The following MROH6 variants were observed in gnomAD, a reference collection of about 807,000 sequenced individuals.
MROH6 encodes maestro heat-like repeat-containing protein family member 6.
MROH6 carries 62 observed loss-of-function variants against 67.7 expected under a neutral mutation model. The observed-to-expected ratio is 0.92, with a 90% CI of 0.75 to 1.13. MROH6 has a LOEUF of 1.13. Ranked by LOEUF, MROH6 falls within the 50% of genes most tolerant of loss-of-function variation. The pLI is 0.00. For synonymous variants in MROH6, 566 were observed against 470.8 expected (o/e 1.20, Z -2.62); for missense variants, 1,175 against 1,029.1 (o/e 1.14, Z -1.94).
In MROH6 at chr8:143,568,554, C is replaced by A; in HGVS notation, c.1642G>T (p.Glu548Ter). 2 of 1,536,090 alleles carry A rather than the reference C, an allele frequency of 1.3e-6. No individual in the cohort carries two copies. Among genetic ancestry groups the A allele is most frequent in the East Asian group, 2.4e-5 (1 of 42,256 alleles). Residue 548 changes from glutamate to a stop codon, truncating the protein, a stop_gained and splice_region_variant, in exon 10 of 14, where the codon GAG becomes TAG. Coordinates refer to ENST00000398882, the MANE Select transcript of MROH6 (RefSeq NM_001100878.2). LOFTEE classifies it high-confidence loss of function. ...GGATGGTGTCGGGGGCTGCTGACCT[C>A]AGCAGCGTCCCTGCTGGGGTCATGC... The part of the protein sequence containing the change: ...RLHDPSRDAA[E>*]SSEWTLARCD...
chr8:143,569,018 G>A (rs1217020119), intron 9 of MROH6: 5 of 355,566 alleles, frequency 1.4e-5, no homozygotes, highest in African/African-American at 6.5e-5. Context: ...GGGCGGGGGC[G>A]GTCAGGAGGG....
chr8:143,570,826 G>GGCCCC, intron 4 of MROH6, 51 bp downstream of exon 4: 3 of 1,171,226 alleles, frequency 2.6e-6, no homozygotes, highest in Non-Finnish European at 2.4e-6. Flanking sequence ...CCCGCTCCTC[G>GGCCCC]CCACCCCCCA....
At chr8:143,568,890 A>G (rs1823804426) in intron 9 of MROH6, 171 bp from the exon 10 acceptor site, 1 of 548,130 alleles carries the variant, frequency 1.8e-6, no homozygotes. Flanking sequence ...GGAAGCCTGG[A>G]GAGCCCCTGC....
At chr8:143,569,645 A>G (rs1426699958) in intron 8 of MROH6, 31 bp from the exon 9 acceptor site, 1 of 1,594,534 alleles carries the variant, frequency 6.3e-7, no homozygotes, top group African/African-American at 1.3e-5. Context: ...CCTCTTGCAG[A>G]CCTCGCCGCG....
intron 4 of MROH6, 32 bp from the exon 5 acceptor site, chr8:143,570,689 G>A (rs1264395061): frequency 1.9e-6 from 3 of 1,570,254 alleles, no homozygotes; most frequent in Non-Finnish European, 8.6e-7. Flanking sequence ...CAGGCCTGGG[G>A]CACGCCTGGA....
chr8:143,568,876 G>A, intron 9 of MROH6, 157 bp from the exon 10 acceptor site: 2 of 580,450 alleles, frequency 3.4e-6, no homozygotes, highest in East Asian at 3.3e-5. Context: ...GCTGGACCTG[G>A]TTGGGAAGCC....
At chr8:143,571,552 G>C (rs913785018) in intron 3 of MROH6, 115 bp downstream of exon 3, 2 of 1,381,190 alleles carry the variant, frequency 1.4e-6, no homozygotes, top group African/African-American at 2.9e-5. Flanking sequence ...CGCGGGGCTG[G>C]AATAAGGAGG....
rs1823668813 is a variant in MROH6, at chr8:143,567,327, G to A, written c.2072C>T (p.Ala691Val). 2 of 1,218,374 alleles carry A rather than the reference G, an allele frequency of 1.6e-6. No homozygotes were observed. The highest frequency in any genetic ancestry group is 3.1e-5 in the African/African-American group (2 of 63,702). 75.5% of individuals were successfully genotyped at this position (1,218,374 alleles called of 1,614,324 possible). A position where few individuals can be genotyped will look rare whatever the true frequency, so the allele number is the denominator to read the frequency against. The change falls in exon 14 of 14, where the codon GCC becomes GTC. Residue 691 changes from alanine to valine, a missense_variant. By Grantham distance (64) the Ala-to-Val change is moderately conservative. Coordinates refer to ENST00000398882, the MANE Select transcript of MROH6 (RefSeq NM_001100878.2). ...PRLLRIAPRP[A>V]RPPPVFADSP... ...GTCGGCGAAGACTGGTGGGGGCCGG[G>A]CGGGGCGCGGGGCGATGCGGAGAAG... is the stretch of plus-strand genomic sequence containing the variant.
Position 143,569,984 on chromosome 8 carries a change from C to T in MROH6, c.1125G>A (p.Pro375=), listed in dbSNP as rs199537603. ...AGAAGGCCATAGCCGTGAGACGCTGCGGGTCGTCCGCGCTGCGAAGCCGAG... is the reference window on the plus strand; with the variant it reads ...AGAAGGCCATAGCCGTGAGACGCTGTGGGTCGTCCGCGCTGCGAAGCCGAG... ...LLPRLRSADD[P]QRLTAMAFFT... Residue 375 remains proline (P), a synonymous_variant, in exon 7 of 14, where the codon CCG becomes CCA. Coordinates refer to ENST00000398882, the MANE Select transcript of MROH6 (RefSeq NM_001100878.2). 57 of 1,613,090 alleles carry T rather than the reference C, an allele frequency of 3.5e-5. No homozygotes were observed. Among genetic ancestry groups the T allele is most frequent in the Admixed American group, 5.0e-5 (3 of 60,010 alleles).
chr8:143,570,859 A>G lies in MROH6; in HGVS notation c.720+18T>C. ...CCACCCCCGCCCCCACCCCCTGGTA[A>G]TGGCTGGAGCCACCTACCGCCAGTG... On this transcript the variant is annotated intron_variant, in intron 4 of 13. Transcript: ENST00000398882. 1 of 1,277,550 alleles carries G rather than the reference A, an allele frequency of 7.8e-7. No individual in the cohort carries two copies. The highest frequency in any genetic ancestry group is 1.1e-6 in the Non-Finnish European group (1 of 929,974). 79.1% of individuals were successfully genotyped at this position (1,277,550 alleles called of 1,614,324 possible).
intron 10 of MROH6, 109 bp downstream of exon 10, chr8:143,568,443 G>C (rs1321504975): frequency 1.4e-6 from 2 of 1,443,944 alleles, no homozygotes; most frequent in Non-Finnish European, 1.8e-6. Flanking sequence ...CTGCCACTGA[G>C]GTCCTTGGGA....
rs772994828 is a variant in MROH6, at chr8:143,567,777, C to G, written c.1867+9G>C. 2 of 1,562,412 alleles carry G rather than the reference C, an allele frequency of 1.3e-6. No individual in the cohort carries two copies. Among genetic ancestry groups the G allele is most frequent in the Admixed American group, 3.7e-5 (2 of 53,544 alleles). ...GTGCCAGGGGCAGTGTGACCCCGGGCGGCCTCACCTATAAGCACGGCGGCT... is the reference window on the plus strand; with the variant it reads ...GTGCCAGGGGCAGTGTGACCCCGGGGGGCCTCACCTATAAGCACGGCGGCT... On this transcript the variant is annotated intron_variant, in intron 12 of 13. Transcript: ENST00000398882.
chr8:143,570,094 C>A, intron 6 of MROH6, 29 bp from the exon 7 acceptor site: 1 of 1,599,716 alleles, frequency 6.3e-7, no homozygotes, highest in Non-Finnish European at 8.5e-7. Context: ...GGAGCTCTCG[C>A]TCCGTTTGGC....
rs146929732 is a variant in MROH6 at position 143,570,760 on chromosome 8, C to T, written c.721-103G>A. The T allele has an allele frequency of 2.8e-3, 4,030 of 1,428,240 alleles. 53 individuals carry two copies. The African/African-American group carries it at 0.034, about 12-fold the overall frequency. 88.5% of individuals were successfully genotyped at this position (1,428,240 alleles called of 1,614,324 possible). A position where few individuals can be genotyped will look rare whatever the true frequency, so the allele number is the denominator to read the frequency against. ...AACAGGATGGGGACAGCCTCAGACA[C>T]GCATGGGACATTCCAGGAGCAGTTA... On this transcript the variant is annotated intron_variant, in intron 4 of 13. Coordinates refer to ENST00000398882, the MANE Select transcript of MROH6 (RefSeq NM_001100878.2).
rs773987402 is a variant in MROH6, at chr8:143,569,551, G to C, written c.1366C>G (p.Leu456Val). 25 of 1,534,668 alleles carry C rather than the reference G, an allele frequency of 1.6e-5. No homozygotes were observed. The highest frequency in any genetic ancestry group is 2.2e-5 in the Non-Finnish European group (25 of 1,146,908). Residue 456 changes from leucine (L) to valine (V), a missense_variant, in exon 9 of 14, where the codon CTC (leucine) becomes GTC (valine). Leu to Val is a conservative substitution (Grantham distance 32). Transcript: ENST00000398882. ...LGALGEGDAR[L>V]VGAALGALRR... is the part of the protein sequence containing the mutation. ...AGGGCGCCCAGCGCTGCACCCACGA[G>C]CCGCGCGTCGCCTTCGCCCAGTGCG...
chr8:143,568,071 C>T (rs938500664), intron 11 of MROH6, 71 bp downstream of exon 11: 1 of 1,526,986 alleles, frequency 6.5e-7, no homozygotes, highest in Non-Finnish European at 8.8e-7. Context: ...CGGTTGGGGG[C>T]CCCGGTGAAC....
At chr8:143,568,120 T>C in intron 11 of MROH6, 22 bp downstream of exon 11, 1 of 1,585,518 alleles carries the variant, frequency 6.3e-7, no homozygotes. Context: ...CCCCTTGCGG[T>C]CACCTTGCTT....
At position 143,566,381 on chromosome 8, in the gene MROH6, A is replaced by G. The variant is rs1299997236; in HGVS notation, c.*858T>C. On this transcript the variant is annotated 3_prime_UTR_variant, in exon 14 of 14. Coordinates refer to ENST00000398882, the MANE Select transcript of MROH6 (RefSeq NM_001100878.2). ...GGAGGAGGCTGTGAAGGAGGCCACG[A>G]ATGCAAGGACATTTCCAGGCAGGCA... 1 of 152,310 alleles carries G rather than the reference A, an allele frequency of 6.6e-6. No homozygotes were observed. The highest frequency in any genetic ancestry group is 1.5e-5 in the Non-Finnish European group (1 of 68,078). The allele number at this position is 152,310 out of a possible 1,614,324, so 9.4% of individuals were successfully genotyped here. A position where few individuals can be genotyped will look rare whatever the true frequency, so the allele number is the denominator to read the frequency against.
At chr8:143,570,417 G>T in intron 5 of MROH6, 37 bp from the exon 6 acceptor site, 1 of 1,600,558 alleles carries the variant, frequency 6.2e-7, no homozygotes, top group South Asian at 1.1e-5. Context: ...GGCAGTGGGA[G>T]CTGAGAGGGT....
Sources: gnomAD v4.1 joint callset for allele counts on GRCh38, gnomAD v4.1.1 for gene constraint, MANE v1.5 for transcripts, NCBI Gene and HGNC (gene_info 2026-07-23, HGNC 2026-07-21) for gene names.